The following TLL1 variants were observed in gnomAD, a reference collection of about 807,000 sequenced individuals.
TLL1 encodes tolloid-like protein 1.
Under a neutral mutation model 128.2 loss-of-function variants are expected in TLL1, and 49 were observed. The ratio of observed to expected loss-of-function variants is 0.38; its 90% confidence interval spans 0.30 to 0.48. The LOEUF (loss-of-function observed/expected upper bound fraction) is 0.48. Ranked by LOEUF, TLL1 falls within the 20% of genes least tolerant of loss-of-function variation. TLL1 has a pLI of 0.96. For missense variants in TLL1, 1,123 were observed against 1,242.0 expected, an observed-to-expected ratio of 0.90 and a Z score of 1.44; for synonymous variants, 454 against 418.8, an observed-to-expected ratio of 1.08 and a Z score of -1.03.
In TLL1 at chr4:165,957,506, ATTTAC is replaced by A. The variant is rs757337415; in HGVS notation, c.170-31871_170-31867del. On this transcript the variant is annotated intron_variant, in intron 1 of 20. Coordinates refer to ENST00000061240, the MANE Select transcript of TLL1 (RefSeq NM_012464.5). ...TTACCTTTTTAAATGTAATTTATTT[ATTTAC>A]TTTTATTTTTCCATAAGTTATTGGG... 2.1e-3 allele frequency among the ~76,000 whole-genome samples: 317 copies of A among 150,472 alleles called. 2 individuals are homozygous for A. Among genetic ancestry groups the A allele is most frequent in the Non-Finnish European group, 3.9e-3 (265 of 67,856 alleles).
intron 9 of TLL1, among the ~76,000 whole-genome samples, chr4:166,037,576 G>A (rs897947685): frequency 2.0e-5 from 3 of 152,166 alleles, no homozygotes; most frequent in African/African-American, 4.8e-5. Flanking sequence ...GGGAGGCTGA[G>A]GCTGGTGGAT....
intron 1 of TLL1, among the ~76,000 whole-genome samples, chr4:165,916,560 A>G (rs1404424025): frequency 6.6e-6 from 1 of 152,194 alleles, no homozygotes; most frequent in Non-Finnish European, 1.5e-5. Flanking sequence ...GTATAGTAAC[A>G]TAGTAATGGT....
chr4:165,945,417 A>C (rs1480440054), intron 1 of TLL1, among the ~76,000 whole-genome samples: 1 of 152,184 alleles, frequency 6.6e-6, no homozygotes, highest in African/African-American at 2.4e-5. Context: ...ATATGTTGAC[A>C]GAAGTTGTCT....
chr4:166,061,783 G>T (rs2111119969), intron 15 of TLL1, among the ~76,000 whole-genome samples: 1 of 152,200 alleles, frequency 6.6e-6, no homozygotes, highest in Non-Finnish European at 1.5e-5. Context: ...TATTCATGAA[G>T]TCCTTGTTCA....
chr4:166,039,985 A>G (rs1055821090), intron 10 of TLL1, among the ~76,000 whole-genome samples: 3 of 152,204 alleles, frequency 2.0e-5, no homozygotes, highest in Admixed American at 6.5e-5. Context: ...AGTTTGTGTC[A>G]TAAACTGTAG....
intron 1 of TLL1, among the ~76,000 whole-genome samples, chr4:165,883,734 G>A (rs1196558110): frequency 6.6e-6 from 1 of 152,070 alleles, no homozygotes; most frequent in East Asian, 1.9e-4. Flanking sequence ...TTCTTCCCAT[G>A]CGTAAAAACA....
intron 16 of TLL1, among the ~76,000 whole-genome samples, chr4:166,069,849 A>C (rs7671123): frequency 6.6e-6 from 1 of 151,496 alleles, no homozygotes; most frequent in Non-Finnish European, 1.5e-5. Context: ...GGATTTTATA[A>C]CAAAATAATT....
At position 166,006,313 on chromosome 4, in the gene TLL1, C is replaced by T. The variant is rs538772493; in HGVS notation, c.812-1630C>T. ...TTCTCTTTCCTTTCATGTAATAAGT[C>T]TACTTTTCTGTTATTTGGGCTGTGT... On this transcript the variant is annotated intron_variant, in intron 6 of 20. Coordinates refer to ENST00000061240, the MANE Select transcript of TLL1 (RefSeq NM_012464.5). 4.0e-5 allele frequency among the ~76,000 whole-genome samples: 6 copies of T among 151,838 alleles called. No individual in the cohort carries two copies. The South Asian group carries it at 1.0e-3, about 26-fold the overall frequency.
chr4:165,994,398 A>G lies in TLL1; in HGVS notation c.379A>G (p.Thr127Ala). The G allele has an allele frequency of 9.3e-6, 15 of 1,613,996 alleles. No homozygotes were observed. The highest frequency in any genetic ancestry group is 1.3e-5 in the Non-Finnish European group (15 of 1,179,928). Residue 127 changes from threonine (T) to alanine (A), a missense_variant, in exon 4 of 21, where the codon ACA becomes GCA. Transcript: ENST00000061240. The part of the protein sequence containing the change: ...RIGFGLEQNN[T>A]VKGKVPLQFS... ...CACTGCAGGCTTGGAGCAAAACAACACAGTTAAGGGAAAAGTACCTCTACA... is the reference window on the plus strand; with the variant it reads ...CACTGCAGGCTTGGAGCAAAACAACGCAGTTAAGGGAAAAGTACCTCTACA...
chr4:166,047,221 G>A (rs1454617099), intron 12 of TLL1, among the ~76,000 whole-genome samples: 1 of 151,518 alleles, frequency 6.6e-6, no homozygotes, highest in African/African-American at 2.4e-5. Context: ...CTGCAAGGCA[G>A]TGGCGCGATC....
chr4:166,024,167 T>A (rs1034211262), intron 8 of TLL1, among the ~76,000 whole-genome samples: 11 of 152,262 alleles, frequency 7.2e-5, no homozygotes, highest in Non-Finnish European at 1.3e-4. Flanking sequence ...AAACATTGTT[T>A]ACTCCTACTT....
chr4:165,971,054 A>T (rs1051009781), intron 1 of TLL1, among the ~76,000 whole-genome samples: 1 of 152,260 alleles, frequency 6.6e-6, no homozygotes, highest in African/African-American at 2.4e-5. Flanking sequence ...CAAGATATTA[A>T]CTTAAAAACA....
chr4:166,097,495 C>G (rs1560869846), intron 19 of TLL1, among the ~76,000 whole-genome samples: 1 of 152,028 alleles, frequency 6.6e-6, no homozygotes, highest in Non-Finnish European at 1.5e-5. Context: ...GATTGGAACC[C>G]TAGCTGCAAG....
At position 166,060,089 on chromosome 4, in the gene TLL1, G is replaced by A. The variant is rs1740234418; in HGVS notation, c.1908G>A (p.Lys636=). ...NGTITTPGWP[K]EYPPNKNCVW... ...CCATAACCACCCCTGGCTGGCCCAAGGAGTACCCTCCTAATAAGAACTGTG... is the reference window on the plus strand; with the variant it reads ...CCATAACCACCCCTGGCTGGCCCAAAGAGTACCCTCCTAATAAGAACTGTG... Residue 636 remains lysine, a synonymous_variant, in exon 15 of 21, where the codon AAG becomes AAA. Coordinates refer to ENST00000061240, the MANE Select transcript of TLL1 (RefSeq NM_012464.5). The A allele has an allele frequency of 6.2e-7, 1 of 1,613,582 alleles. No homozygotes were observed.
chr4:165,994,956 T>C (rs1327121783), intron 4 of TLL1, 105 bp from the exon 5 acceptor site: 2 of 838,662 alleles, frequency 2.4e-6, no homozygotes, highest in Admixed American at 2.0e-5. Context: ...TTGATGATAG[T>C]GGTGGCATTC....
chr4:166,008,802 C>CT (rs34689194), intron 7 of TLL1, among the ~76,000 whole-genome samples: 2,658 of 142,336 alleles, frequency 0.019, 44 homozygotes, highest in African/African-American at 0.049. Context: ...CATTTCAACT[C>CT]TTTTTTTTTT....
intron 18 of TLL1, among the ~76,000 whole-genome samples, chr4:166,087,370 G>A (rs1473332787): frequency 1.3e-5 from 2 of 152,054 alleles, no homozygotes; most frequent in African/African-American, 2.4e-5. Flanking sequence ...CAGTTATAGA[G>A]GACTCATGGA....
rs1579673594 is a variant in TLL1 at position 166,050,070 on chromosome 4, A to T, written c.1525-5006A>T. Among the ~76,000 whole-genome samples, 6 of 152,194 alleles carry T rather than the reference A, an allele frequency of 3.9e-5. No homozygotes were observed. In the South Asian group the frequency reaches 1.2e-3, roughly 31 times the overall value. ...TTAAAGCAAAATATACATAACATAAAATTTTCCATCTTAACCAGTTGTTAA... is the reference window on the plus strand; with the variant it reads ...TTAAAGCAAAATATACATAACATAATATTTTCCATCTTAACCAGTTGTTAA... On this transcript the variant is annotated intron_variant, in intron 12 of 20. Transcript: ENST00000061240.
chr4:165,879,827 G>C (rs1259977989), intron 1 of TLL1, among the ~76,000 whole-genome samples: 2 of 151,964 alleles, frequency 1.3e-5, no homozygotes, highest in Non-Finnish European at 2.9e-5. Flanking sequence ...AGGACTCGGG[G>C]GCCTGGCAAG....
Sources: allele counts gnomAD v4.1 joint callset (sites outside exome capture counted in the v4.1 genomes callset), GRCh38; gene constraint gnomAD v4.1.1; transcripts MANE v1.5; gene names NCBI Gene and HGNC (gene_info 2026-07-23, HGNC 2026-07-21).